USP34: variants seen among roughly 807,000 people sequenced by gnomAD.
The protein encoded by USP34 is ubiquitin specific peptidase 34, also known as ubiquitin carboxyl-terminal hydrolase 34.
USP34 carries 70 observed loss-of-function variants against 460.3 expected under a neutral mutation model. That is an observed-to-expected ratio of 0.15 (90% CI 0.13 to 0.19). The LOEUF is 0.19. Among genes scored for constraint, USP34 ranks in the 10% least tolerant of loss-of-function variants. The pLI is 1.00. For missense variants in USP34, 3,985 were observed against 4,236.2 expected (o/e 0.94, Z 1.65); for synonymous variants, 1,647 against 1,405.3 (o/e 1.17, Z -3.85).
chr2:61,440,472 C>A (rs1694931950), intron 1 of USP34, among the ~76,000 whole-genome samples: 1 of 151,968 alleles, frequency 6.6e-6, no homozygotes, highest in African/African-American at 2.4e-5. Flanking sequence ...AATTTCTCTT[C>A]ATGCCTTTTC....
chr2:61,308,428 G>C (rs1430581838), intron 27 of USP34, among the ~76,000 whole-genome samples: 1 of 151,898 alleles, frequency 6.6e-6, no homozygotes, highest in Non-Finnish European at 1.5e-5. Context: ...CATCTCTCAG[G>C]AACTTGAGTT....
Position 61,332,805 on chromosome 2 carries a change from A to G in USP34, c.2834+1077T>C, listed in dbSNP as rs1691310794. Among the ~76,000 whole-genome samples the G allele has an allele frequency of 3.9e-5, 6 of 152,086 alleles. 1 individual carries two copies. The highest frequency in any genetic ancestry group is 1.2e-4 in the African/African-American group (5 of 41,454). On this transcript the variant is annotated intron_variant, in intron 19 of 79. Coordinates refer to ENST00000398571, the MANE Select transcript of USP34 (RefSeq NM_014709.4). ...TCTTACTGTAGTATTAACCAAAGAAAGAGACTAAGATACTTCTAAATAATA... is the reference window on the plus strand; with the variant it reads ...TCTTACTGTAGTATTAACCAAAGAAGGAGACTAAGATACTTCTAAATAATA...
chr2:61,459,671 G>A (rs575521699), intron 1 of USP34, among the ~76,000 whole-genome samples: 2 of 152,016 alleles, frequency 1.3e-5, no homozygotes, highest in South Asian at 4.2e-4. Flanking sequence ...CAGCTACTCA[G>A]GAGGCTGAGG....
intron 48 of USP34, among the ~76,000 whole-genome samples, chr2:61,253,888 C>T (rs1688653110): frequency 6.6e-6 from 1 of 152,102 alleles, no homozygotes; most frequent in Non-Finnish European, 1.5e-5. Context: ...GCGTGAGCCA[C>T]CACAACCGGC....
intron 22 of USP34, 91 bp downstream of exon 22, chr2:61,319,082 C>CA (rs35281857): frequency 0.033 from 31,826 of 951,166 alleles, no homozygotes; most frequent in South Asian, 0.037. Context: ...AAAAAACTGT[C>CA]AAAAAAAAAA....
intron 67 of USP34, among the ~76,000 whole-genome samples, chr2:61,217,496 G>A (rs1236758167): frequency 6.6e-6 from 1 of 152,142 alleles, no homozygotes; most frequent in Admixed American, 6.5e-5. Context: ...TACAGCAAAA[G>A]CACTTTTTCA....
At chr2:61,449,094 T>C (rs916603808) in intron 1 of USP34, among the ~76,000 whole-genome samples, 1 of 151,922 alleles carries the variant, frequency 6.6e-6, no homozygotes, top group Non-Finnish European at 1.5e-5. Context: ...GAGGTGGATG[T>C]TGCGGTGAGC....
intron 41 of USP34, among the ~76,000 whole-genome samples, chr2:61,271,846 C>T (rs1278907574): frequency 6.6e-6 from 1 of 152,130 alleles, no homozygotes; most frequent in East Asian, 1.9e-4. Context: ...AGTTCTAGAA[C>T]TATTTTTTAA....
intron 75 of USP34, 136 bp downstream of exon 75, chr2:61,203,004 C>A: frequency 2.1e-6 from 2 of 949,952 alleles, no homozygotes; most frequent in Non-Finnish European, 1.5e-6. Context: ...TAAAATGTTC[C>A]CAAGAATATT....
intron 1 of USP34, among the ~76,000 whole-genome samples, chr2:61,446,645 A>G (rs1695125733): frequency 6.6e-6 from 1 of 151,918 alleles, no homozygotes; most frequent in Admixed American, 6.6e-5. Context: ...AAAATACAAA[A>G]ATTAGCCAGG....
intron 61 of USP34, 75 bp downstream of exon 61, chr2:61,228,570 T>C (rs984148265): frequency 7.3e-7 from 1 of 1,367,176 alleles, no homozygotes. Flanking sequence ...GGTTCTAACA[T>C]CTCAGGACTT....
intron 21 of USP34, among the ~76,000 whole-genome samples, chr2:61,323,114 T>C (rs1690976576): frequency 6.6e-6 from 1 of 152,204 alleles, no homozygotes; most frequent in African/African-American, 2.4e-5. Flanking sequence ...CACAGTAGTC[T>C]GAGGCCTGTA....
chr2:61,457,617 C>T (rs1003283051), intron 1 of USP34, among the ~76,000 whole-genome samples: 1 of 152,158 alleles, frequency 6.6e-6, no homozygotes, highest in South Asian at 2.1e-4. Flanking sequence ...AATCCCAGCA[C>T]TTTGGGAGGC....
intron 21 of USP34, among the ~76,000 whole-genome samples, chr2:61,320,904 G>A (rs1012943575): frequency 6.6e-6 from 1 of 152,096 alleles, no homozygotes; most frequent in Non-Finnish European, 1.5e-5. Flanking sequence ...CAGCTACTCG[G>A]GAGGATAAGG....
intron 1 of USP34, among the ~76,000 whole-genome samples, chr2:61,436,935 G>C (rs1009925581): frequency 5.9e-5 from 9 of 152,186 alleles, no homozygotes; most frequent in African/African-American, 2.2e-4. Flanking sequence ...ACATGCTCCT[G>C]AATGACCACT....
At chr2:61,405,362 ACTGTTT>A (rs1446957092) in intron 3 of USP34, among the ~76,000 whole-genome samples, 10 of 152,136 alleles carry the variant, frequency 6.6e-5, no homozygotes, top group African/African-American at 2.4e-4. Context: ...TGATCTGTAG[ACTGTTT>A]CTAAGAATGA....
intron 23 of USP34, among the ~76,000 whole-genome samples, chr2:61,315,233 A>G (rs1230160413): frequency 1.3e-5 from 2 of 152,214 alleles, no homozygotes; most frequent in Admixed American, 1.3e-4. Context: ...CTAGTCCTGA[A>G]AAACATACTA....
intron 6 of USP34, among the ~76,000 whole-genome samples, chr2:61,380,988 T>A (rs185868731): frequency 7.8e-4 from 119 of 152,042 alleles, no homozygotes; most frequent in African/African-American, 2.7e-3. Context: ...TCAATACAGA[T>A]CAACAAAACT....
intron 43 of USP34, among the ~76,000 whole-genome samples, chr2:61,264,423 C>A (rs1022908356): frequency 6.6e-6 from 1 of 152,076 alleles, no homozygotes; most frequent in African/African-American, 2.4e-5. Context: ...ATCTTGTAAG[C>A]CCAGGATTTG....
Sources: allele counts gnomAD v4.1 joint callset (sites outside exome capture counted in the v4.1 genomes callset), GRCh38; gene constraint gnomAD v4.1.1; transcripts MANE v1.5; gene names NCBI Gene and HGNC (gene_info 2026-07-23, HGNC 2026-07-21).